MIS18A: variants seen among roughly 807,000 people sequenced by gnomAD.
MIS18A encodes the protein MIS18 kinetochore protein A, also known as protein Mis18-alpha.
Under a neutral mutation model 25.0 loss-of-function variants are expected in MIS18A, and 14 were observed. That is an observed-to-expected ratio of 0.56 (90% CI 0.37 to 0.88). MIS18A has a LOEUF of 0.88. MIS18A is among the 40% of genes least tolerant of loss of function. The pLI is 0.00. For synonymous variants in MIS18A, 134 were observed against 118.6 expected, an observed-to-expected ratio of 1.13 and a Z score of -0.84; for missense variants, 292 against 290.8, an observed-to-expected ratio of 1.00 and a Z score of -0.03.
At chr21:32,213,501 C>T in the MIS18A span, among the ~76,000 whole-genome samples, 6 of 152,148 alleles carry the variant, frequency 3.9e-5, no homozygotes, top group East Asian at 9.6e-4. Context: ...TGGAAATATC[C>T]ACAATAAACT....
rs780876771 is a variant in MIS18A, at chr21:32,278,977, C to G, written c.38G>C (p.Cys13Ser). The change falls in exon 1 of 5, where the codon TGC becomes TCC. Residue 13 changes from cysteine (C) to serine (S), a missense_variant. Physicochemically the swap from Cys to Ser is moderately radical, Grantham distance 112. Transcript: ENST00000290130. ...GTCGCCGCACTCACAGCCGCCAGCGCATCCTCTGCTACACCTCAGTGACCG... is the reference window on the plus strand; with the variant it reads ...GTCGCCGCACTCACAGCCGCCAGCGGATCCTCTGCTACACCTCAGTGACCG... ...GVRSLRCSRG[C>S]AGGCECGDKG... The G allele has an allele frequency of 6.2e-7, 1 of 1,611,186 alleles. No individual in the cohort carries two copies. Among genetic ancestry groups the G allele is most frequent in the South Asian group, 1.1e-5 (1 of 91,072 alleles).
chr21:32,265,580 C>T (rs770468889), downstream of MIS18A, among the ~76,000 whole-genome samples: 2 of 152,244 alleles, frequency 1.3e-5, no homozygotes, highest in Non-Finnish European at 1.5e-5. Flanking sequence ...GGGCAGGGCT[C>T]AGGACCTGCA....
the MIS18A span, among the ~76,000 whole-genome samples, chr21:32,190,694 C>T: frequency 4.6e-5 from 7 of 152,170 alleles, no homozygotes; most frequent in Admixed American, 2.0e-4. Flanking sequence ...GATCTAACAA[C>T]GGGGACTGAG....
At chr21:32,192,238 C>T in the MIS18A span, among the ~76,000 whole-genome samples, 1 of 152,322 alleles carries the variant, frequency 6.6e-6, no homozygotes. Context: ...CTGGCATTTG[C>T]CCTGTGGATG....
chr21:32,211,376 G>A, the MIS18A span, among the ~76,000 whole-genome samples: 1 of 152,186 alleles, frequency 6.6e-6, no homozygotes, highest in African/African-American at 2.4e-5. Flanking sequence ...GAGGAAAGGG[G>A]AAACATGTAA....
the MIS18A span, among the ~76,000 whole-genome samples, chr21:32,174,552 A>G: frequency 2.0e-5 from 3 of 152,210 alleles, no homozygotes; most frequent in Non-Finnish European, 2.9e-5. Flanking sequence ...TTCTCAATGA[A>G]TAAGTGGTCA....
At chr21:32,157,361 G>A in the MIS18A span, among the ~76,000 whole-genome samples, 1 of 151,268 alleles carries the variant, frequency 6.6e-6, no homozygotes, top group South Asian at 2.1e-4. Flanking sequence ...GAACCACCGG[G>A]CCTGGCTGTT....
At chr21:32,230,247 G>A in the MIS18A span, among the ~76,000 whole-genome samples, 14 of 152,258 alleles carry the variant, frequency 9.2e-5, no homozygotes, top group South Asian at 1.9e-3. Flanking sequence ...ATATTTTCAA[G>A]TATATCAAAA....
chr21:32,239,309 C>T, the MIS18A span, among the ~76,000 whole-genome samples: 1 of 152,058 alleles, frequency 6.6e-6, no homozygotes, highest in South Asian at 2.1e-4. Flanking sequence ...GGTGGGGAGG[C>T]AGGAGCTAGG....
At chr21:32,278,418 C>A (rs2123474168) in intron 1 of MIS18A, 1 of 487,370 alleles carries the variant, frequency 2.1e-6, no homozygotes, top group East Asian at 3.4e-5. Context: ...CCCTTTGTTT[C>A]TGAGTAATGC....
chr21:32,203,013 A>C, the MIS18A span, among the ~76,000 whole-genome samples: 8 of 152,174 alleles, frequency 5.3e-5, no homozygotes, highest in Non-Finnish European at 1.2e-4. Flanking sequence ...ACTGCTGGGT[A>C]ATATGGTAAT....
the MIS18A span, among the ~76,000 whole-genome samples, chr21:32,237,379 C>T: frequency 6.6e-6 from 1 of 152,168 alleles, no homozygotes; most frequent in Non-Finnish European, 1.5e-5. Context: ...CAGGTACAGT[C>T]CCATGTCCGC....
chr21:32,229,760 A>G, the MIS18A span, among the ~76,000 whole-genome samples: 1 of 152,240 alleles, frequency 6.6e-6, no homozygotes, highest in Non-Finnish European at 1.5e-5. Flanking sequence ...ATCAATATGT[A>G]TTTAATCTTC....
At chr21:32,202,676 T>A in the MIS18A span, among the ~76,000 whole-genome samples, 2 of 152,230 alleles carry the variant, frequency 1.3e-5, no homozygotes, top group African/African-American at 2.4e-5. Context: ...CAACTTTCTA[T>A]GTCTATAAAG....
the MIS18A span, among the ~76,000 whole-genome samples, chr21:32,203,552 C>T: frequency 7.4e-6 from 1 of 135,552 alleles, no homozygotes; most frequent in South Asian, 2.4e-4. Flanking sequence ...ACACATTTCC[C>T]ACCTAGCAAT....
At chr21:32,214,321 G>A in the MIS18A span, among the ~76,000 whole-genome samples, 1 of 152,186 alleles carries the variant, frequency 6.6e-6, no homozygotes, top group Non-Finnish European at 1.5e-5. Context: ...GTCTCATCTA[G>A]AGAGTGCATT....
the MIS18A span, among the ~76,000 whole-genome samples, chr21:32,181,682 T>TTTGG: frequency 1.3e-5 from 2 of 152,086 alleles, no homozygotes; most frequent in African/African-American, 4.8e-5. Flanking sequence ...ACATCTGGCC[T>TTTGG]CAATGATAGA....
At chr21:32,275,101 C>T (rs1300262321) in intron 1 of MIS18A, among the ~76,000 whole-genome samples, 3 of 152,092 alleles carry the variant, frequency 2.0e-5, no homozygotes, top group African/African-American at 7.2e-5. Context: ...CAACCAGGCG[C>T]AGGGACTCAC....
At chr21:32,198,295 G>A in the MIS18A span, among the ~76,000 whole-genome samples, 1 of 152,112 alleles carries the variant, frequency 6.6e-6, no homozygotes, top group Non-Finnish European at 1.5e-5. Context: ...TTCTATCAAA[G>A]GCATTGAATG....
Sources: allele counts gnomAD v4.1 joint callset (sites outside exome capture counted in the v4.1 genomes callset), GRCh38; gene constraint gnomAD v4.1.1; transcripts MANE v1.5; gene names NCBI Gene and HGNC (gene_info 2026-07-23, HGNC 2026-07-21).